ADCYAP1: variants seen among roughly 807,000 people sequenced by gnomAD.
The protein encoded by ADCYAP1 is pituitary adenylate cyclase-activating polypeptide.
Under a neutral mutation model 18.5 loss-of-function variants are expected in ADCYAP1, and 6 were observed. The observed-to-expected ratio is 0.32, with a 90% CI of 0.18 to 0.64. The LOEUF is 0.64. Among genes scored for constraint, ADCYAP1 ranks in the 30% least tolerant of loss-of-function variants. The pLI, the probability that ADCYAP1 is intolerant of heterozygous loss-of-function variation, is 0.77. For synonymous variants in ADCYAP1, 136 were observed against 113.9 expected, an observed-to-expected ratio of 1.19 and a Z score of -1.24; for missense variants, 314 against 253.6, an observed-to-expected ratio of 1.24 and a Z score of -1.62.
At position 910,443 on chromosome 18, in the gene ADCYAP1, C is replaced by T. The variant is rs979880162; in HGVS notation, c.*808C>T. The T allele has an allele frequency of 1.3e-5, 2 of 152,220 alleles. No individual in the cohort carries two copies. The highest frequency in any genetic ancestry group is 2.9e-5 in the Non-Finnish European group (2 of 68,056). 9.4% of individuals were successfully genotyped at this position (152,220 alleles called of 1,614,324 possible). On this transcript the variant is annotated 3_prime_UTR_variant, in exon 5 of 5. Coordinates refer to ENST00000450565, the MANE Select transcript of ADCYAP1 (RefSeq NM_001099733.2). ...TACAGAAAAGGGCGGCTTCGTTAGACCGCTCTCTTTTCTGTACTTCCTGAG... is the reference window on the plus strand; with the variant it reads ...TACAGAAAAGGGCGGCTTCGTTAGATCGCTCTCTTTTCTGTACTTCCTGAG...
At position 912,034 on chromosome 18, in the gene ADCYAP1, CTCT is replaced by C. The variant is rs1909405535; in HGVS notation, c.*2401_*2403del. On this transcript the variant is annotated 3_prime_UTR_variant, in exon 5 of 5. Coordinates refer to ENST00000450565, the MANE Select transcript of ADCYAP1 (RefSeq NM_001099733.2). The stretch of plus-strand genomic sequence containing the variant: ...ATTTAGGTAGATGTTAGTCTTGAAG[CTCT>C]TATTTTGTGTGCAACTGATTATAAA... 6.6e-6 allele frequency: 1 copy of C among 152,136 alleles called. No homozygotes were observed. The highest frequency in any genetic ancestry group is 1.5e-5 in the Non-Finnish European group (1 of 68,032). 9.4% of individuals were successfully genotyped at this position (152,136 alleles called of 1,614,324 possible).
chr18:905,032 G>GCT lies in ADCYAP1; in HGVS notation c.-26_-25dup, dbSNP rs1909106715. The GCT allele has an allele frequency of 7.7e-7, 1 of 1,295,248 alleles. No homozygotes were observed. The highest frequency in any genetic ancestry group is 5.2e-5 in the East Asian group (1 of 19,218). 80.2% of individuals were successfully genotyped at this position (1,295,248 alleles called of 1,614,324 possible). ...GCTTTGCCCGCCGTCCTACCTGGCAGCTCTCCTGGCAGCGGGAGGAGTTGA... is the reference window on the plus strand; with the variant it reads ...GCTTTGCCCGCCGTCCTACCTGGCAGCTCTCTCCTGGCAGCGGGAGGAGTTGA... On this transcript the variant is annotated 5_prime_UTR_variant, in exon 1 of 5. Transcript: ENST00000450565.
In ADCYAP1 at chr18:905,487, C is replaced by T; in HGVS notation, c.101C>T (p.Pro34Leu). Residue 34 changes from proline to leucine, a missense_variant, in exon 2 of 5, where the codon CCC becomes CTC. Coordinates refer to ENST00000450565, the MANE Select transcript of ADCYAP1 (RefSeq NM_001099733.2). The part of the protein sequence containing the change: ...SSPAAAGLRF[P>L]GIRPEEEAYG... ...CCTGCCGCCGCCGGACTCCGGTTCC[C>T]CGGGATCAGGTAGGTGCTGGCTGCC... 1 of 1,607,282 alleles carries T rather than the reference C, an allele frequency of 6.2e-7. No individual in the cohort carries two copies. The highest frequency in any genetic ancestry group is 8.5e-7 in the Non-Finnish European group (1 of 1,179,974).
chr18:905,341 A>G, intron 1 of ADCYAP1, 45 bp from the exon 2 acceptor site: 2 of 1,603,148 alleles, frequency 1.2e-6, no homozygotes, highest in Non-Finnish European at 1.7e-6. Context: ...GTGGGAGGCC[A>G]GGGGCGTTCT....
Position 908,277 on chromosome 18 carries a change from C to G in ADCYAP1, c.255C>G (p.His85Gln), listed in dbSNP as rs771281885. The change falls in exon 4 of 5, where the codon CAC (histidine) becomes CAG (glutamine). Residue 85 changes from histidine to glutamine, a missense_variant. By Grantham distance (24) the His-to-Gln change is conservative (BLOSUM62 0). Coordinates refer to ENST00000450565, the MANE Select transcript of ADCYAP1 (RefSeq NM_001099733.2). ...YRPAGRRDVA[H>Q]GILNEAYRKV... ...GCCTCCCCGTTAGAGATGTCGCCCA[C>G]GGGATCCTTAACGAGGCCTACCGCA... is the stretch of plus-strand genomic sequence containing the variant. 1 of 1,612,276 alleles carries G rather than the reference C, an allele frequency of 6.2e-7. No individual in the cohort carries two copies. The highest frequency in any genetic ancestry group is 1.7e-5 in the Admixed American group (1 of 59,886).
chr18:904,672 TTG>T, upstream of ADCYAP1: 1 of 1,221,126 alleles, frequency 8.2e-7, no homozygotes, highest in South Asian at 1.4e-5. Flanking sequence ...GCCCTCTCCC[TTG>T]CCTTCCTCCC....
At position 910,501 on chromosome 18, in the gene ADCYAP1, C is replaced by T. The variant is rs1220914340; in HGVS notation, c.*866C>T. The T allele has an allele frequency of 1.3e-5, 2 of 152,178 alleles. No individual in the cohort carries two copies. Among genetic ancestry groups the T allele is most frequent in the Non-Finnish European group, 2.9e-5 (2 of 68,056 alleles). 9.4% of individuals were successfully genotyped at this position (152,178 alleles called of 1,614,324 possible). A position where few individuals can be genotyped will look rare whatever the true frequency, so the allele number is the denominator to read the frequency against. Reference sequence around the variant, plus strand: ...GGAATCTAATATCCCCAAATTAGGGCAATTGGAACAAAGTGAAGGACATAG... The same window carrying T: ...GGAATCTAATATCCCCAAATTAGGGTAATTGGAACAAAGTGAAGGACATAG... On this transcript the variant is annotated 3_prime_UTR_variant, in exon 5 of 5. Transcript: ENST00000450565.
chr18:909,077 C>T (rs1315329489), intron 4 of ADCYAP1, among the ~76,000 whole-genome samples: 1 of 152,230 alleles, frequency 6.6e-6, no homozygotes, highest in Non-Finnish European at 1.5e-5. Flanking sequence ...GTTACTTTCT[C>T]TGTATGTCGC....
chr18:907,129 A>ACAT (rs1386479658), intron 2 of ADCYAP1, among the ~76,000 whole-genome samples: 1 of 152,158 alleles, frequency 6.6e-6, no homozygotes, highest in African/African-American at 2.4e-5. Flanking sequence ...TCCGTGACCT[A>ACAT]CATCTGCTCG....
In ADCYAP1 at chr18:907,817, C is replaced by T. The variant is rs1909234636; in HGVS notation, c.242+27C>T. 2.8e-6 allele frequency: 4 copies of T among 1,419,268 alleles called. No individual in the cohort carries two copies. The East Asian group carries it at 1.1e-4, about 39-fold the overall frequency. 87.9% of individuals were successfully genotyped at this position (1,419,268 alleles called of 1,614,324 possible). ...TGAGATTCGCGCGGCCTCGCGCACA[C>T]CCGCGGCTGGGAGCTCGGGACTGCG... On this transcript the variant is annotated intron_variant, in intron 3 of 4. Coordinates refer to ENST00000450565, the MANE Select transcript of ADCYAP1 (RefSeq NM_001099733.2).
rs1210878306 is a variant in ADCYAP1, at chr18:910,353, C to T, written c.*718C>T. 6.6e-6 allele frequency: 1 copy of T among 152,262 alleles called. No individual in the cohort carries two copies. The highest frequency in any genetic ancestry group is 2.4e-5 in the African/African-American group (1 of 41,456). 9.4% of individuals were successfully genotyped at this position (152,262 alleles called of 1,614,324 possible). On this transcript the variant is annotated 3_prime_UTR_variant, in exon 5 of 5. Coordinates refer to ENST00000450565, the MANE Select transcript of ADCYAP1 (RefSeq NM_001099733.2). Reference sequence around the variant, plus strand: ...GAAAATTCTCCTGATAAAACAACAGCTCGATCCAAATTGTGCTTCTCCCCA... The same window carrying T: ...GAAAATTCTCCTGATAAAACAACAGTTCGATCCAAATTGTGCTTCTCCCCA...
At chr18:904,621 C>T (rs971285616), upstream of ADCYAP1, 15 of 1,248,858 alleles carry the variant, frequency 1.2e-5, no homozygotes, top group African/African-American at 1.6e-5. Flanking sequence ...ACCCTCGCGG[C>T]TGCCTGGCCC....
At position 907,870 on chromosome 18, in the gene ADCYAP1, A is replaced by G. The variant is rs1051628711; in HGVS notation, c.242+80A>G. On this transcript the variant is annotated intron_variant, in intron 3 of 4. Transcript: ENST00000450565. ...GACGGGAGGGGCAGTGTGGTGACCC[A>G]CCCAGGATTTTTTTTTTTTTCCCGT... 1.6e-5 allele frequency: 21 copies of G among 1,311,948 alleles called. No homozygotes were observed. In the Admixed American group the frequency reaches 1.1e-3, roughly 69 times the overall value. The allele number at this position is 1,311,948 out of a possible 1,614,324, so 81.3% of individuals were successfully genotyped here.
rs1444077887 is a variant in ADCYAP1, at chr18:907,872, C to A, written c.242+82C>A. 6.1e-6 allele frequency: 8 copies of A among 1,313,378 alleles called. No homozygotes were observed. In the African/African-American group the frequency reaches 1.4e-4, roughly 23 times the overall value. The allele number at this position is 1,313,378 out of a possible 1,614,324, so 81.4% of individuals were successfully genotyped here. A position where few individuals can be genotyped will look rare whatever the true frequency, so the allele number is the denominator to read the frequency against. On this transcript the variant is annotated intron_variant, in intron 3 of 4. Coordinates refer to ENST00000450565, the MANE Select transcript of ADCYAP1 (RefSeq NM_001099733.2). ...CGGGAGGGGCAGTGTGGTGACCCAC[C>A]CAGGATTTTTTTTTTTTTCCCGTGA... is the stretch of plus-strand genomic sequence containing the variant.
intron 3 of ADCYAP1, 168 bp from the exon 4 acceptor site, chr18:908,097 G>T (rs1909246939): frequency 2.9e-6 from 2 of 687,330 alleles, no homozygotes; most frequent in East Asian, 2.8e-5. Context: ...GATCCTAGCA[G>T]TTGCTCTCGA....
chr18:906,069 G>C (rs1297621559), intron 2 of ADCYAP1: 1 of 153,394 alleles, frequency 6.5e-6, no homozygotes, highest in Admixed American at 6.5e-5. Flanking sequence ...GGCGTGCGGT[G>C]GGGAGGGTGT....
chr18:905,754 G>C (rs1369579172), intron 2 of ADCYAP1: 1 of 509,632 alleles, frequency 2.0e-6, no homozygotes, highest in Non-Finnish European at 3.5e-6. Flanking sequence ...GCTTCTGGCC[G>C]CTGGAGAACC....
At chr18:908,172 C>A (rs770776837) in intron 3 of ADCYAP1, 93 bp from the exon 4 acceptor site, 78 of 1,164,922 alleles carry the variant, frequency 6.7e-5, no homozygotes, top group Non-Finnish European at 9.5e-5. Context: ...CCTCCCCGGC[C>A]GCCGAGGGGG....
At chr18:908,530 T>G (rs1237896455) in intron 4 of ADCYAP1, among the ~76,000 whole-genome samples, 167 bp downstream of exon 4, 1 of 152,116 alleles carries the variant, frequency 6.6e-6, no homozygotes, top group Non-Finnish European at 1.5e-5. Context: ...GAAGTGGCAC[T>G]TTAAATTTGC....
Sources: allele counts gnomAD v4.1 joint callset (sites outside exome capture counted in the v4.1 genomes callset), GRCh38; gene constraint gnomAD v4.1.1; transcripts MANE v1.5; gene names NCBI Gene and HGNC (gene_info 2026-07-23, HGNC 2026-07-21).